The following STRBP variants were observed in gnomAD, a reference collection of about 807,000 sequenced individuals.
STRBP encodes the protein spermatid perinuclear RNA-binding protein.
In STRBP, 13 loss-of-function variants were observed where a neutral mutation model predicts 80.1. The ratio of observed to expected loss-of-function variants is 0.16; its 90% CI spans 0.11 to 0.26. STRBP has a LOEUF of 0.26. Ranked by LOEUF, STRBP falls within the 10% of genes least tolerant of loss-of-function variation. The pLI, the probability that STRBP is intolerant of heterozygous loss-of-function variation, is 1.00. For missense variants in STRBP, 485 were observed against 815.2 expected (o/e 0.59, Z 4.93); for synonymous variants, 284 against 291.2 (o/e 0.98, Z 0.25).
intron 6 of STRBP, among the ~76,000 whole-genome samples, chr9:123,167,023 G>C (rs1249575441): frequency 1.3e-5 from 2 of 152,160 alleles, no homozygotes; most frequent in African/African-American, 2.4e-5. Flanking sequence ...ATCGTGATTT[G>C]AAAGGAGTAG....
intron 1 of STRBP, among the ~76,000 whole-genome samples, chr9:123,261,725 A>G (rs1425352759): frequency 6.6e-6 from 1 of 152,198 alleles, no homozygotes; most frequent in African/African-American, 2.4e-5. Flanking sequence ...TACTTCAAAA[A>G]CAACCGAAAA....
At chr9:123,246,898 T>C (rs2040810472) in intron 1 of STRBP, among the ~76,000 whole-genome samples, 1 of 152,198 alleles carries the variant, frequency 6.6e-6, no homozygotes, top group South Asian at 2.1e-4. Context: ...AAGTCAATTC[T>C]TGGCCTAAAA....
chr9:123,190,968 G>A (rs2038902971), intron 2 of STRBP, among the ~76,000 whole-genome samples: 1 of 152,108 alleles, frequency 6.6e-6, no homozygotes, highest in Non-Finnish European at 1.5e-5. Flanking sequence ...AGTATTTACC[G>A]AACACCTGTA....
At chr9:123,211,283 T>C (rs189369476) in intron 2 of STRBP, among the ~76,000 whole-genome samples, 1 of 152,230 alleles carries the variant, frequency 6.6e-6, no homozygotes, top group Non-Finnish European at 1.5e-5. Context: ...TCCAAATGAT[T>C]ACATCATAGA....
At chr9:123,113,006 AT>A (rs905986704) in intron 3 of STRBP, 1 of 167,120 alleles carries the variant, frequency 6.0e-6, no homozygotes, top group African/African-American at 2.4e-5. Flanking sequence ...AAGAAGGAAG[AT>A]TCTGTAAAGC....
At chr9:123,254,990 G>T (rs182671866) in intron 1 of STRBP, among the ~76,000 whole-genome samples, 17 of 152,228 alleles carry the variant, frequency 1.1e-4, no homozygotes, top group Non-Finnish European at 1.8e-4. Flanking sequence ...ATTAAAAAAT[G>T]CATTAAATAT....
At chr9:123,254,456 C>CA (rs1205708821) in intron 1 of STRBP, among the ~76,000 whole-genome samples, 4,948 of 63,576 alleles carry the variant, frequency 0.078, 149 homozygotes, top group South Asian at 0.12. Flanking sequence ...GACTCCGTCT[C>CA]AAAAAAAAAA....
intron 1 of STRBP, among the ~76,000 whole-genome samples, chr9:123,242,714 T>C (rs1325295904): frequency 3.9e-5 from 6 of 152,164 alleles, no homozygotes; most frequent in Non-Finnish European, 1.5e-5. Context: ...CACAGCTCTA[T>C]TAATTATGGT....
At position 123,115,526 on chromosome 9, in the gene STRBP, T is replaced by C; in HGVS notation, c.*84+403A>G. 2 of 375,364 alleles carry C rather than the reference T, an allele frequency of 5.3e-6. No individual in the cohort carries two copies. The highest frequency in any genetic ancestry group is 4.1e-5 in the South Asian group (2 of 48,664). 23.3% of individuals were successfully genotyped at this position (375,364 alleles called of 1,614,324 possible). On this transcript the variant is annotated intron_variant and NMD_transcript_variant, in intron 3 of 3. Coordinates refer to the STRBP transcript ENST00000471564. The surrounding 1 kb of genome is among the most constrained non-coding windows in gnomAD (Gnocchi z 5.0). ...TCCATCTGGGTCAATGATTTCACCT[T>C]CTACTCAGTTGTCTAAGCTGCAGAT... is the stretch of plus-strand genomic sequence containing the variant.
At chr9:123,164,033 TTTGC>T (rs1015019519) in intron 6 of STRBP, among the ~76,000 whole-genome samples, 1 of 151,914 alleles carries the variant, frequency 6.6e-6, no homozygotes, top group African/African-American at 2.4e-5. Context: ...CATTTTTTTG[TTTGC>T]TTGTTTTTGT....
intron 1 of STRBP, among the ~76,000 whole-genome samples, chr9:123,247,346 C>T (rs1340540064): frequency 1.3e-5 from 2 of 152,158 alleles, no homozygotes; most frequent in African/African-American, 4.8e-5. Flanking sequence ...CGGCTGACTG[C>T]AACCTCCACC....
chr9:123,160,328 A>C, intron 8 of STRBP, 39 bp downstream of exon 8: 1 of 1,449,674 alleles, frequency 6.9e-7, no homozygotes, highest in Non-Finnish European at 9.4e-7. Context: ...TCTCTGCTAC[A>C]GCTTCCAAAT....
At chr9:123,244,150 T>TG (rs1785273903) in intron 1 of STRBP, among the ~76,000 whole-genome samples, 1 of 152,196 alleles carries the variant, frequency 6.6e-6, no homozygotes, top group African/African-American at 2.4e-5. Context: ...TATCAAGCCA[T>TG]GTAAAGACAT....
At chr9:123,154,362 A>G (rs1433876994) in intron 11 of STRBP, among the ~76,000 whole-genome samples, 4 of 152,198 alleles carry the variant, frequency 2.6e-5, no homozygotes, top group African/African-American at 9.6e-5. Context: ...CCATTTCTGG[A>G]AAGTTCCAGG....
intron 4 of STRBP, 48 bp from the exon 5 acceptor site, chr9:123,173,890 C>G: frequency 6.5e-7 from 1 of 1,543,976 alleles, no homozygotes; most frequent in Non-Finnish European, 8.7e-7. Context: ...ATTTCCCAAA[C>G]TATAACTTAA....
At position 123,126,640 on chromosome 9, in the gene STRBP, G is replaced by T. The variant is rs1313569787; in HGVS notation, c.1943-967C>A. Among the ~76,000 whole-genome samples the T allele has an allele frequency of 6.6e-6, 1 of 152,144 alleles. No homozygotes were observed. Among genetic ancestry groups the T allele is most frequent in the Non-Finnish European group, 1.5e-5 (1 of 68,024 alleles). On this transcript the variant is annotated intron_variant, in intron 18 of 18. Coordinates refer to ENST00000348403, the MANE Select transcript of STRBP (RefSeq NM_018387.5). The surrounding 1 kb of genome is among the most constrained non-coding windows in gnomAD (Gnocchi z 4.4). ...TGTAACTTAGAATCTAGATATTAAA[G>T]TATTTTCAAAGGAAAAATCGAGCTC...
chr9:123,229,231 T>C (rs2040330818), intron 2 of STRBP, among the ~76,000 whole-genome samples: 1 of 152,194 alleles, frequency 6.6e-6, no homozygotes, highest in South Asian at 2.1e-4. Context: ...TCTTTTTCAA[T>C]GATGAAAATG....
chr9:123,167,204 C>T (rs2037806027), intron 6 of STRBP, among the ~76,000 whole-genome samples: 1 of 150,498 alleles, frequency 6.6e-6, no homozygotes, highest in Non-Finnish European at 1.5e-5. Context: ...GTATTGTGAA[C>T]AGTTTGTTTG....
intron 11 of STRBP, among the ~76,000 whole-genome samples, chr9:123,152,799 T>C (rs997819107): frequency 6.6e-5 from 10 of 152,244 alleles, no homozygotes; most frequent in African/African-American, 2.4e-4. Context: ...GGAACAGTTC[T>C]GTATGTTGAT....
Sources: allele counts gnomAD v4.1 joint callset (sites outside exome capture counted in the v4.1 genomes callset), GRCh38; gene constraint gnomAD v4.1.1; non-coding constraint Gnocchi (gnomAD v3.1); transcripts MANE v1.5; gene names NCBI Gene and HGNC (gene_info 2026-07-23, HGNC 2026-07-21).